ZNF732: variants seen among roughly 807,000 people sequenced by gnomAD.
ZNF732 encodes the protein zinc finger protein 732.
A neutral mutation model predicts 11.5 loss-of-function variants in ZNF732; 12 were observed. That is an observed-to-expected ratio of 1.05 (90% CI 0.67 to 1.70). The LOEUF is 1.70. Among genes scored for constraint, ZNF732 ranks in the 40% most tolerant of loss-of-function variants. ZNF732 has a pLI of 0.00. For synonymous variants in ZNF732, 231 were observed against 236.5 expected, an observed-to-expected ratio of 0.98 and a Z score of 0.21; for missense variants, 702 against 676.9, an observed-to-expected ratio of 1.04 and a Z score of -0.41.
In ZNF732 at chr4:294,173, T is replaced by C. The variant is rs564987354; in HGVS notation, c.226+1265A>G. Among the ~76,000 whole-genome samples, 46 of 152,346 alleles carry C rather than the reference T, an allele frequency of 3.0e-4. 2 individuals are homozygous for C. In the Middle Eastern group the frequency reaches 0.017, roughly 56 times the overall value. On this transcript the variant is annotated intron_variant, in intron 3 of 3. Coordinates refer to ENST00000419098, the MANE Select transcript of ZNF732 (RefSeq NM_001137608.3). Reference sequence around the variant, plus strand: ...CCCCCACCATGCCCAGCTAACTTTTTGTATTTTTAGTACAGATGGGATTTT... The same window carrying C: ...CCCCCACCATGCCCAGCTAACTTTTCGTATTTTTAGTACAGATGGGATTTT...
chr4:299,493 G>GTA lies in ZNF732; in HGVS notation c.4-3339_4-3338insTA, dbSNP rs782230464. 3.5e-3 allele frequency among the ~76,000 whole-genome samples: 343 copies of GTA among 99,172 alleles called. 21 individuals are homozygous for GTA. The highest frequency in any genetic ancestry group is 0.011 in the African/African-American group (279 of 24,556). 65.1% of individuals were successfully genotyped at this position (99,172 alleles called of 152,430 possible). On this transcript the variant is annotated intron_variant, in intron 1 of 3. Transcript: ENST00000419098. ...TATATACACATATATACACATATGT[G>GTA]TGTATATATACACACATATACGTAT... is the stretch of plus-strand genomic sequence containing the variant.
intron 3 of ZNF732, among the ~76,000 whole-genome samples, chr4:280,287 G>A (rs1394209138): frequency 2.3e-5 from 2 of 86,130 alleles, no homozygotes; most frequent in Non-Finnish European, 4.6e-5. Context: ...GCAATGTACA[G>A]CAGTAAGAAA....
chr4:272,010 A>AT lies in ZNF732; in HGVS notation c.846dup (p.Cys283MetfsTer15). On this transcript the variant is annotated frameshift_variant, in exon 4 of 4. Transcript: ENST00000419098. LOFTEE classifies it low-confidence loss of function (END_TRUNC). ...GAGGATGAGGTAATGATTTTGCCAC[A>AT]TTCTTCACATGTGAAGGGTTTCTCT... 1 of 1,609,514 alleles carries AT rather than the reference A, an allele frequency of 6.2e-7. No individual in the cohort carries two copies. The highest frequency in any genetic ancestry group is 8.5e-7 in the Non-Finnish European group (1 of 1,177,670).
rs979336322 is a variant in ZNF732 at position 305,386 on chromosome 4, T to G, written c.-76A>C. 20 of 1,596,308 alleles carry G rather than the reference T, an allele frequency of 1.3e-5. No homozygotes were observed. In the African/African-American group the frequency reaches 1.3e-4, roughly 11 times the overall value. Reference sequence around the variant, plus strand: ...CCGCAGGTCACAGAGCGACGGAGGCTGAGGCTGTGACCGAATCACCGACGC... The same window carrying G: ...CCGCAGGTCACAGAGCGACGGAGGCGGAGGCTGTGACCGAATCACCGACGC... On this transcript the variant is annotated 5_prime_UTR_variant, in exon 1 of 4. Coordinates refer to ENST00000419098, the MANE Select transcript of ZNF732 (RefSeq NM_001137608.3).
intron 3 of ZNF732, among the ~76,000 whole-genome samples, chr4:272,948 G>A (rs1175723381): frequency 6.6e-6 from 1 of 152,046 alleles, no homozygotes; most frequent in Non-Finnish European, 1.5e-5. Context: ...GCCATTAGAA[G>A]TAAACTGTCA....
At chr4:273,916 G>A (rs1292382467) in intron 3 of ZNF732, among the ~76,000 whole-genome samples, 3 of 149,900 alleles carry the variant, frequency 2.0e-5, no homozygotes, top group African/African-American at 7.3e-5. Flanking sequence ...CAGCAAAACT[G>A]TCCTAAAAAT....
intron 1 of ZNF732, among the ~76,000 whole-genome samples, chr4:299,862 A>ATTT (rs146854504): frequency 2.4e-5 from 3 of 124,330 alleles, no homozygotes; most frequent in Admixed American, 8.3e-5. Flanking sequence ...ATGCCGGCTA[A>ATTT]TTTTTTTTTT....
chr4:289,187 C>A (rs1719790599), intron 3 of ZNF732, among the ~76,000 whole-genome samples: 1 of 152,214 alleles, frequency 6.6e-6, no homozygotes, highest in Non-Finnish European at 1.5e-5. Flanking sequence ...AAGAAAACTG[C>A]AGAACTCCTC....
chr4:272,419 A>G lies in ZNF732; in HGVS notation c.438T>C (p.His146=), dbSNP rs1553837938. 6.3e-7 allele frequency: 1 copy of G among 1,596,746 alleles called. No homozygotes were observed. The highest frequency in any genetic ancestry group is 1.1e-5 in the South Asian group (1 of 89,422). The stretch of plus-strand genomic sequence containing the variant: ...TTGAAAATGTACTAAATACTTTGAC[A>G]TGTACATTACACTGAAATATTTTGC... The part of the protein sequence containing the change: ...IQSKIFQCNV[H]VKVFSTFSNS... Residue 146 remains histidine, a synonymous_variant, in exon 4 of 4, where the codon CAT becomes CAC. Transcript: ENST00000419098.
At chr4:288,952 A>G (rs558453358) in intron 3 of ZNF732, among the ~76,000 whole-genome samples, 2 of 152,202 alleles carry the variant, frequency 1.3e-5, no homozygotes, top group South Asian at 4.2e-4. Flanking sequence ...TCGTATTGCT[A>G]TAAATACCTG....
intron 3 of ZNF732, among the ~76,000 whole-genome samples, chr4:279,016 G>A (rs184175452): frequency 6.6e-6 from 1 of 152,072 alleles, no homozygotes; most frequent in Non-Finnish European, 1.5e-5. Context: ...TGGGATAAAG[G>A]TTGTTTACCC....
At chr4:275,592 C>A (rs1719476552) in intron 3 of ZNF732, among the ~76,000 whole-genome samples, 1 of 151,742 alleles carries the variant, frequency 6.6e-6, no homozygotes. Flanking sequence ...TATAAACTCT[C>A]ACACATGGTC....
intron 1 of ZNF732, among the ~76,000 whole-genome samples, chr4:297,873 T>C (rs2352935): frequency 1 from 152,254 of 152,254 alleles, 76,127 homozygotes; most frequent in Non-Finnish European, 1. Context: ...CAAGGTTCAG[T>C]AGAGGGTGGA....
chr4:287,374 C>G (rs542068732), intron 3 of ZNF732, among the ~76,000 whole-genome samples: 1 of 150,520 alleles, frequency 6.6e-6, no homozygotes, highest in Non-Finnish European at 1.5e-5. Context: ...GCCATCACGT[C>G]CAGCTAATTT....
intron 3 of ZNF732, among the ~76,000 whole-genome samples, chr4:294,353 A>AAG (rs1719903228): frequency 6.6e-6 from 1 of 152,232 alleles, no homozygotes. Context: ...CCAAGAATCT[A>AAG]TCAACAATGT....
In ZNF732 at chr4:280,346, C is replaced by T. The variant is rs183558320; in HGVS notation, c.227-7716G>A. ...GTGGCTCACACCTGTAATCCCAGCA[C>T]TTTGGAAGGCTGAGGCAGGTGGATC... On this transcript the variant is annotated intron_variant, in intron 3 of 3. Coordinates refer to ENST00000419098, the MANE Select transcript of ZNF732 (RefSeq NM_001137608.3). Among the ~76,000 whole-genome samples the T allele has an allele frequency of 2.4e-4, 36 of 149,084 alleles. No homozygotes were observed. In the East Asian group the frequency reaches 5.9e-3, roughly 24 times the overall value.
intron 3 of ZNF732, among the ~76,000 whole-genome samples, chr4:284,275 T>A (rs1468311263): frequency 3.3e-5 from 5 of 151,954 alleles, no homozygotes; most frequent in Non-Finnish European, 7.4e-5. Flanking sequence ...GAGTGAACAT[T>A]GAAAATCTTA....
At chr4:299,418 C>CATATGTACACATATGTGTAT (rs1560165134) in intron 1 of ZNF732, among the ~76,000 whole-genome samples, 3 of 83,488 alleles carry the variant, frequency 3.6e-5, no homozygotes, top group Non-Finnish European at 7.3e-5. Flanking sequence ...TATATATACA[C>CATATGTACACATATGTGTAT]ATATATACAC....
intron 3 of ZNF732, among the ~76,000 whole-genome samples, chr4:290,801 C>G (rs546446379): frequency 6.6e-6 from 1 of 152,282 alleles, no homozygotes; most frequent in Admixed American, 6.5e-5. Context: ...AGACACAATG[C>G]ACAGCAGACC....
Sources: allele counts gnomAD v4.1 joint callset (sites outside exome capture counted in the v4.1 genomes callset), GRCh38; gene constraint gnomAD v4.1.1; transcripts MANE v1.5; gene names NCBI Gene and HGNC (gene_info 2026-07-23, HGNC 2026-07-21).